DOCK7: variants seen among roughly 807,000 people sequenced by gnomAD.
DOCK7 encodes dedicator of cytokinesis protein 7.
In DOCK7, 138 loss-of-function variants were observed where a neutral mutation model predicts 271.0. That is an observed-to-expected ratio of 0.51 (90% CI 0.44 to 0.59). The LOEUF is 0.59. DOCK7 is among the 20% of genes least tolerant of loss of function. DOCK7 has a pLI of 0.00. For synonymous variants in DOCK7, 823 were observed against 876.1 expected, an observed-to-expected ratio of 0.94 and a Z score of 1.07; for missense variants, 2,066 against 2,592.4, an observed-to-expected ratio of 0.80 and a Z score of 4.41.
intron 36 of DOCK7, 128 bp downstream of exon 36, chr1:62,505,554 A>T: frequency 2.8e-6 from 3 of 1,066,642 alleles, no homozygotes; most frequent in Non-Finnish European, 3.9e-6. Flanking sequence ...GTTATTATTT[A>T]AATTTTAACT....
intron 1 of DOCK7, among the ~76,000 whole-genome samples, chr1:62,671,166 G>A (rs575037318): frequency 2.8e-4 from 42 of 152,148 alleles, no homozygotes; most frequent in African/African-American, 1.0e-3. Flanking sequence ...CTCCAGACGC[G>A]CCACCTTAAG....
intron 31 of DOCK7, among the ~76,000 whole-genome samples, chr1:62,526,580 C>T (rs1340962967): frequency 6.6e-6 from 1 of 151,942 alleles, no homozygotes; most frequent in Non-Finnish European, 1.5e-5. Flanking sequence ...TAGGTATCTA[C>T]CTAAGAGAGA....
intron 1 of DOCK7, among the ~76,000 whole-genome samples, chr1:62,673,359 G>A (rs193297490): frequency 6.6e-6 from 1 of 152,216 alleles, no homozygotes; most frequent in East Asian, 1.9e-4. Context: ...GTATTAAGGA[G>A]ACTTGGATGG....
At chr1:62,657,738 G>A (rs777938009) in intron 2 of DOCK7, among the ~76,000 whole-genome samples, 1 of 151,878 alleles carries the variant, frequency 6.6e-6, no homozygotes. Context: ...AGAACTAAAT[G>A]GAAATTTTAG....
rs1023391256 is a variant in DOCK7, at chr1:62,562,020, T to A, written c.2113-317A>T. 1.6e-4 allele frequency among the ~76,000 whole-genome samples: 24 copies of A among 148,380 alleles called. 1 individual carries two copies. The highest frequency in any genetic ancestry group is 1.5e-3 in the Admixed American group (22 of 15,118). On this transcript the variant is annotated intron_variant, in intron 18 of 49. Transcript: ENST00000635253. ...TATGTACATATATATGTACATATAT[T>A]TTTATACACATTTGTATATACTTAA...
At chr1:62,592,633 A>T (rs1237423726) in intron 14 of DOCK7, among the ~76,000 whole-genome samples, 4 of 152,188 alleles carry the variant, frequency 2.6e-5, no homozygotes, top group African/African-American at 9.6e-5. Context: ...AGAGGGTAAC[A>T]AGGAGGGGAG....
chr1:62,675,018 C>T (rs1392975677), intron 1 of DOCK7, among the ~76,000 whole-genome samples: 3 of 152,094 alleles, frequency 2.0e-5, no homozygotes, highest in Non-Finnish European at 4.4e-5. Context: ...ACAAGCCAAA[C>T]AAGGAGACAA....
In DOCK7 at chr1:62,455,113, A is replaced by G; in HGVS notation, c.*301T>C. On this transcript the variant is annotated 3_prime_UTR_variant, in exon 50 of 50. Transcript: ENST00000635253. Reference sequence around the variant, plus strand: ...TATAAATGGTAATATAAATTAAAAAATACGAACTTAAAGTGAATAAATTTT... The same window carrying G: ...TATAAATGGTAATATAAATTAAAAAGTACGAACTTAAAGTGAATAAATTTT... The G allele has an allele frequency of 1.9e-6, 1 of 514,676 alleles. No individual in the cohort carries two copies. Among genetic ancestry groups the G allele is most frequent in the Non-Finnish European group, 3.4e-6 (1 of 294,016 alleles). The allele number at this position is 514,676 out of a possible 1,614,324, so 31.9% of individuals were successfully genotyped here. A position where few individuals can be genotyped will look rare whatever the true frequency, so the allele number is the denominator to read the frequency against.
At chr1:62,505,945 T>A in intron 35 of DOCK7, 129 bp from the exon 36 acceptor site, 1 of 874,332 alleles carries the variant, frequency 1.1e-6, no homozygotes, top group South Asian at 2.5e-5. Context: ...GATAAAAAAA[T>A]GATAACATAA....
intron 37 of DOCK7, 47 bp from the exon 38 acceptor site, chr1:62,496,544 T>C (rs1238001725): frequency 1.3e-6 from 2 of 1,513,900 alleles, no homozygotes; most frequent in African/African-American, 1.4e-5. Flanking sequence ...AGAAAAGCTT[T>C]AAAAAGTCTG....
chr1:62,655,674 G>C (rs1657936614), intron 2 of DOCK7, among the ~76,000 whole-genome samples: 1 of 152,126 alleles, frequency 6.6e-6, no homozygotes, highest in African/African-American at 2.4e-5. Context: ...CAATCCGCCT[G>C]CTTCGGCCTC....
chr1:62,643,818 G>C (rs996764758), intron 7 of DOCK7, among the ~76,000 whole-genome samples: 1 of 151,630 alleles, frequency 6.6e-6, no homozygotes. Context: ...GTATAAATTT[G>C]TTCAGTTTTA....
chr1:62,474,154 C>T (rs1645907346), intron 47 of DOCK7, 66 bp from the exon 48 acceptor site: 2 of 1,374,502 alleles, frequency 1.5e-6, no homozygotes, highest in East Asian at 4.6e-5. Flanking sequence ...ACAGAATTTA[C>T]TCAAATGATT....
In DOCK7 at chr1:62,535,513, A is replaced by G; in HGVS notation, c.3591T>C (p.Ile1197=). Residue 1197 remains isoleucine (I), a synonymous_variant, in exon 29 of 50, where the codon ATT becomes ATC. Coordinates refer to ENST00000635253, the MANE Select transcript of DOCK7 (RefSeq NM_001367561.1). The stretch of plus-strand genomic sequence containing the variant: ...CTCACCCTTCAGCATCAGGGTCTAA[A>G]ATGACAGCCAGCTCTGTTAACACAA... ...AGLVLTELAV[I]LDPDAEGLFG... 2.5e-6 allele frequency: 4 copies of G among 1,613,878 alleles called. No individual in the cohort carries two copies. Among genetic ancestry groups the G allele is most frequent in the Non-Finnish European group, 3.4e-6 (4 of 1,179,902 alleles).
chr1:62,660,459 A>T (rs1658532301), intron 2 of DOCK7, among the ~76,000 whole-genome samples: 1 of 152,224 alleles, frequency 6.6e-6, no homozygotes. Flanking sequence ...AATGGCTATT[A>T]TTTTTAAAAT....
intron 42 of DOCK7, chr1:62,487,802 G>A (rs940973477): frequency 5.6e-6 from 1 of 177,618 alleles, no homozygotes; most frequent in African/African-American, 2.4e-5. Context: ...TCTCAGAAAC[G>A]ACTAGCTCTA....
intron 48 of DOCK7, among the ~76,000 whole-genome samples, chr1:62,464,924 A>G (rs1481803001): frequency 6.6e-6 from 1 of 152,216 alleles, no homozygotes; most frequent in Non-Finnish European, 1.5e-5. Context: ...TTTAAAAAGA[A>G]AAAGATGTCA....
chr1:62,582,549 C>CA (rs34110232), intron 16 of DOCK7, among the ~76,000 whole-genome samples: 1,486 of 16,830 alleles, frequency 0.088, 448 homozygotes, highest in Middle Eastern at 0.14. Context: ...GACTCCGTCT[C>CA]AAAAAAAAAA....
At chr1:62,598,771 C>G (rs1238082722) in intron 14 of DOCK7, 1 of 1,607,926 alleles carries the variant, frequency 6.2e-7, no homozygotes, top group Non-Finnish European at 8.5e-7. Flanking sequence ...ACAATTAAAC[C>G]AACAGCATAG....
Sources: allele counts gnomAD v4.1 joint callset (sites outside exome capture counted in the v4.1 genomes callset), GRCh38; gene constraint gnomAD v4.1.1; transcripts MANE v1.5; gene names NCBI Gene and HGNC (gene_info 2026-07-23, HGNC 2026-07-21).